The following AGTPBP1 variants were observed in gnomAD, a reference collection of about 807,000 sequenced individuals.
AGTPBP1 encodes cytosolic carboxypeptidase 1.
In AGTPBP1, 70 loss-of-function variants were observed where a neutral mutation model predicts 143.9. The observed-to-expected ratio is 0.49, with a 90% CI of 0.40 to 0.59. AGTPBP1 has a LOEUF of 0.59. Among genes scored for constraint, AGTPBP1 ranks in the 20% least tolerant of loss-of-function variants. The pLI is 0.00. For synonymous variants in AGTPBP1, 463 were observed against 500.2 expected (o/e 0.93, Z 0.99); for missense variants, 1,229 against 1,464.5 (o/e 0.84, Z 2.62).
intron 22 of AGTPBP1, 64 bp downstream of exon 22, chr9:85,586,766 CT>C: frequency 6.5e-7 from 1 of 1,544,084 alleles, no homozygotes; most frequent in South Asian, 1.2e-5. Context: ...CACACAAGTG[CT>C]TGATAATTAA....
the AGTPBP1 span, among the ~76,000 whole-genome samples, chr9:85,762,802 T>A: frequency 6.8e-6 from 1 of 148,014 alleles, no homozygotes; most frequent in Non-Finnish European, 1.5e-5. Context: ...TATATAAAAC[T>A]TTATATATAT....
At chr9:85,609,049 A>T (rs781440771) in intron 17 of AGTPBP1, among the ~76,000 whole-genome samples, 22 of 152,172 alleles carry the variant, frequency 1.4e-4, no homozygotes, top group Admixed American at 6.5e-4. Context: ...AGAAAACAAG[A>T]ATAAAGCCTG....
At chr9:85,697,438 G>GTTTTTTGT (rs1836322315) in intron 2 of AGTPBP1, among the ~76,000 whole-genome samples, 1 of 83,850 alleles carries the variant, frequency 1.2e-5, no homozygotes, top group African/African-American at 4.7e-5. Flanking sequence ...GTCTTAATTT[G>GTTTTTTGT]TTTTTTGTTT....
chr9:85,604,505 A>G (rs1401527768), intron 17 of AGTPBP1, among the ~76,000 whole-genome samples: 1 of 152,152 alleles, frequency 6.6e-6, no homozygotes, highest in Non-Finnish European at 1.5e-5. Flanking sequence ...CCTTCCCAAG[A>G]AAGATGGGTA....
chr9:85,579,869 A>G (rs1314436946), intron 23 of AGTPBP1, among the ~76,000 whole-genome samples: 1 of 150,992 alleles, frequency 6.6e-6, no homozygotes, highest in Admixed American at 6.7e-5. Flanking sequence ...ATTAAATTCT[A>G]GCTGGATTGA....
At chr9:85,565,870 T>G (rs1014298246) in intron 25 of AGTPBP1, among the ~76,000 whole-genome samples, 1 of 152,088 alleles carries the variant, frequency 6.6e-6, no homozygotes, top group African/African-American at 2.4e-5. Flanking sequence ...CCTTCCCAGT[T>G]TCAAAAAAAT....
chr9:85,718,140 C>T (rs904405277), intron 1 of AGTPBP1, among the ~76,000 whole-genome samples: 4 of 152,144 alleles, frequency 2.6e-5, no homozygotes, highest in South Asian at 2.1e-4. Flanking sequence ...AATAAACATA[C>T]GTATGCATGT....
chr9:85,792,628 CTATT>C, the AGTPBP1 span, among the ~76,000 whole-genome samples: 34 of 152,174 alleles, frequency 2.2e-4, no homozygotes, highest in Non-Finnish European at 1.8e-4. Context: ...CTTTAAAAAA[CTATT>C]TATGAATCAC....
At chr9:85,605,205 G>T (rs529517717) in intron 17 of AGTPBP1, among the ~76,000 whole-genome samples, 1 of 152,132 alleles carries the variant, frequency 6.6e-6, no homozygotes, top group African/African-American at 2.4e-5. Context: ...AACTCCTAAA[G>T]GTCAAGGATA....
intron 17 of AGTPBP1, among the ~76,000 whole-genome samples, chr9:85,618,273 T>C (rs745468558): frequency 9.2e-5 from 14 of 151,510 alleles, no homozygotes; most frequent in Admixed American, 9.2e-4. Flanking sequence ...TAAAAGACTA[T>C]CAAGAAAGGA....
At chr9:85,561,291 G>A (rs966177658) in intron 25 of AGTPBP1, among the ~76,000 whole-genome samples, 2 of 151,836 alleles carry the variant, frequency 1.3e-5, no homozygotes, top group Non-Finnish European at 1.5e-5. Context: ...GAACCTGGGA[G>A]GCAGGAGAAT....
At chr9:85,788,031 A>C in the AGTPBP1 span, 1 of 152,124 alleles carries the variant, frequency 6.6e-6, no homozygotes, top group African/African-American at 2.4e-5. Flanking sequence ...CTTGCTAAAA[A>C]CCAGTTCCTT....
chr9:85,751,690 C>A, the AGTPBP1 span, among the ~76,000 whole-genome samples: 42 of 152,218 alleles, frequency 2.8e-4, no homozygotes, highest in Admixed American at 5.9e-4. Flanking sequence ...TCTCAGCTCA[C>A]GGTAATCTCT....
intron 20 of AGTPBP1, among the ~76,000 whole-genome samples, chr9:85,589,008 T>C (rs1009133799): frequency 2.6e-5 from 4 of 151,490 alleles, no homozygotes; most frequent in Non-Finnish European, 5.9e-5. Flanking sequence ...ATATTTTCGA[T>C]ACACAATAAG....
intron 8 of AGTPBP1, among the ~76,000 whole-genome samples, chr9:85,661,191 C>T (rs558874593): frequency 1.3e-5 from 2 of 151,088 alleles, no homozygotes; most frequent in African/African-American, 2.4e-5. Flanking sequence ...TAGATAGGAA[C>T]AAAAAAAATG....
chr9:85,650,598 G>A (rs559815297), intron 11 of AGTPBP1, among the ~76,000 whole-genome samples: 2 of 152,282 alleles, frequency 1.3e-5, no homozygotes, highest in East Asian at 3.9e-4. Flanking sequence ...GGAGTCAAAA[G>A]TTCTATGCAG....
chr9:85,693,650 T>C (rs62569246), intron 2 of AGTPBP1, among the ~76,000 whole-genome samples: 2,556 of 152,140 alleles, frequency 0.017, 26 homozygotes, highest in Middle Eastern at 0.054. Flanking sequence ...GTTGTCAATA[T>C]AGTGTAAACA....
chr9:85,548,462 A>G (rs952399359), intron 25 of AGTPBP1, among the ~76,000 whole-genome samples: 11 of 152,220 alleles, frequency 7.2e-5, no homozygotes, highest in Non-Finnish European at 1.6e-4. Context: ...ACTTCCTCTT[A>G]AAAGTTCAGA....
In AGTPBP1 at chr9:85,741,806, GC is replaced by G. The variant is rs549877950; in HGVS notation, c.-66del. The stretch of plus-strand genomic sequence containing the variant: ...AGGATGGGGCGCTGGCGGGGACCGC[GC>G]AGAGCCGCAGCACCCGGCTCAGCAC... On this transcript the variant is annotated 5_prime_UTR_variant, in exon 1 of 26. The change creates a premature stop within an existing upstream ORF in the 5' untranslated region. Transcript: ENST00000357081. 134 of 1,372,386 alleles carry G rather than the reference GC, an allele frequency of 9.8e-5. 3 individuals carry two copies. The South Asian group carries it at 1.6e-3, about 16-fold the overall frequency. The allele number at this position is 1,372,386 out of a possible 1,614,324, so 85.0% of individuals were successfully genotyped here.
Sources: gnomAD v4.1 joint callset for allele counts (sites outside exome capture counted in the v4.1 genomes callset) on GRCh38, gnomAD v4.1.1 for gene constraint, MANE v1.5 for transcripts, NCBI Gene and HGNC (gene_info 2026-07-23, HGNC 2026-07-21) for gene names.